OPN5: variants seen among roughly 807,000 people sequenced by gnomAD.
OPN5 encodes opsin-5.
In OPN5, 18 loss-of-function variants were observed where a neutral mutation model predicts 41.7. The observed-to-expected ratio is 0.43, with a 90% CI of 0.30 to 0.64. The LOEUF (loss-of-function observed/expected upper bound fraction) is 0.64. OPN5 is among the 30% of genes least tolerant of loss of function. OPN5 has a pLI of 0.13. For missense variants in OPN5, 318 were observed against 434.5 expected, an observed-to-expected ratio of 0.73 and a Z score of 2.38; for synonymous variants, 178 against 164.3, an observed-to-expected ratio of 1.08 and a Z score of -0.64.
At chr6:47,785,576 T>G (rs929274423) in intron 1 of OPN5, among the ~76,000 whole-genome samples, 15 of 152,194 alleles carry the variant, frequency 9.9e-5, no homozygotes. Context: ...TACCAGATTC[T>G]CATTTATACA....
exon 5 of OPN5, chr6:47,808,267 G>T (rs1390317427): frequency 2.5e-5 from 41 of 1,613,886 alleles, no homozygotes; most frequent in Non-Finnish European, 3.2e-5. Context: ...TCTCTGTGGT[G>T]CCAACCCTAC....
chr6:47,795,196 T>G lies in OPN5; in HGVS notation c.422-33T>G, dbSNP rs1773502895. The G allele has an allele frequency of 2.0e-6, 3 of 1,503,260 alleles. No individual in the cohort carries two copies. The African/African-American group carries it at 4.2e-5, about 21-fold the overall frequency. The allele number at this position is 1,503,260 out of a possible 1,614,324, so 93.1% of individuals were successfully genotyped here. ...GGAGGTATCTGGGTGTAGGGCAGAT[T>G]ACATCCGGGTAATGCTTTTCTTCCG... is the stretch of plus-strand genomic sequence containing the variant. On this transcript the variant is annotated intron_variant, in intron 3 of 6. Transcript: ENST00000371211.
At chr6:47,806,990 T>C (rs1427937550) in intron 4 of OPN5, among the ~76,000 whole-genome samples, 1 of 152,112 alleles carries the variant, frequency 6.6e-6, no homozygotes, top group Non-Finnish European at 1.5e-5. Flanking sequence ...AAACCCTGTC[T>C]CTACAAAAAT....
intron 2 of OPN5, among the ~76,000 whole-genome samples, chr6:47,790,635 A>G (rs1773340253): frequency 6.6e-6 from 1 of 152,242 alleles, no homozygotes; most frequent in Admixed American, 6.5e-5. Context: ...TTTTAAATAA[A>G]TAAAAGGACA....
intron 2 of OPN5, 107 bp from the exon 3 acceptor site, chr6:47,791,695 G>A (rs187410469): frequency 2.0e-4 from 162 of 815,084 alleles, no homozygotes; most frequent in South Asian, 7.8e-4. Context: ...GTGTGTGTGC[G>A]TTCACATGTG....
intron 3 of OPN5, among the ~76,000 whole-genome samples, chr6:47,794,381 A>G (rs1773477788): frequency 6.6e-6 from 1 of 152,158 alleles, no homozygotes; most frequent in Admixed American, 6.6e-5. Context: ...GTGTGAAGGT[A>G]ATTTCCTGTG....
At chr6:47,802,590 C>T (rs1367678388) in intron 4 of OPN5, among the ~76,000 whole-genome samples, 1 of 152,128 alleles carries the variant, frequency 6.6e-6, no homozygotes, top group Non-Finnish European at 1.5e-5. Context: ...GTTTAAAGGT[C>T]TCTGGCAATG....
chr6:47,808,421 A>G, intron 5 of OPN5, 26 bp downstream of exon 5: 1 of 1,612,888 alleles, frequency 6.2e-7, no homozygotes, highest in South Asian at 1.1e-5. Flanking sequence ...CTGGAAATGA[A>G]TTACACTCTC....
intron 5 of OPN5, 32 bp from the exon 6 acceptor site, chr6:47,811,642 A>T: frequency 6.6e-7 from 1 of 1,511,854 alleles, no homozygotes; most frequent in South Asian, 1.1e-5. Flanking sequence ...ATATGTAGAT[A>T]TTAAATTGCA....
At chr6:47,800,526 G>C (rs1773729559) in intron 4 of OPN5, among the ~76,000 whole-genome samples, 1 of 152,208 alleles carries the variant, frequency 6.6e-6, no homozygotes. Flanking sequence ...TTATTTGCAG[G>C]AGTAATTGGG....
At chr6:47,796,761 C>T (rs1308930815) in intron 4 of OPN5, among the ~76,000 whole-genome samples, 1 of 152,142 alleles carries the variant, frequency 6.6e-6, no homozygotes, top group African/African-American at 2.4e-5. Context: ...ATATGCCTCT[C>T]TCCAAATTGC....
exon 7 of OPN5, chr6:47,824,089 G>A (rs377684481): frequency 8.1e-5 from 76 of 938,522 alleles, no homozygotes; most frequent in Middle Eastern, 6.3e-4. Context: ...CTGACTTCTC[G>A]CCTCCACTCC....
chr6:47,801,424 C>T (rs1006024090), intron 4 of OPN5, among the ~76,000 whole-genome samples: 2 of 152,168 alleles, frequency 1.3e-5, no homozygotes, highest in Non-Finnish European at 2.9e-5. Context: ...CATAAAGCTC[C>T]ATTTCCCTTA....
At chr6:47,787,807 C>T (rs559430823) in intron 2 of OPN5, among the ~76,000 whole-genome samples, 90 of 152,088 alleles carry the variant, frequency 5.9e-4, no homozygotes, top group Non-Finnish European at 1.1e-3. Flanking sequence ...AATAGCTGGG[C>T]ACTTGATCAA....
intron 4 of OPN5, among the ~76,000 whole-genome samples, chr6:47,800,275 T>G (rs887309410): frequency 7.2e-5 from 11 of 152,260 alleles, no homozygotes; most frequent in African/African-American, 2.4e-4. Context: ...AGTTTGTAAG[T>G]GAGGGGTATC....
At chr6:47,824,238 G>T in exon 7 of OPN5, 1 of 554,340 alleles carries the variant, frequency 1.8e-6, no homozygotes, top group South Asian at 2.6e-5. Context: ...AGAAACCCAC[G>T]CTTTAAACAT....
rs528609390 is a variant in OPN5 at position 47,824,332 on chromosome 6, G to T, written c.*341G>T. On this transcript the variant is annotated 3_prime_UTR_variant, in exon 7 of 7. Coordinates refer to ENST00000371211, the Ensembl canonical transcript of OPN5. ...TTGTGAAAGCTGGCCTGAAAAGCCT[G>T]ATTCAAGGAGATCAGGCTGTGTCTC... The T allele has an allele frequency of 8.6e-6, 3 of 350,552 alleles. No homozygotes were observed. In the South Asian group the frequency reaches 1.7e-4, roughly 20 times the overall value. 21.7% of individuals were successfully genotyped at this position (350,552 alleles called of 1,614,324 possible).
At chr6:47,822,694 G>T (rs886948464) in intron 6 of OPN5, among the ~76,000 whole-genome samples, 1 of 152,190 alleles carries the variant, frequency 6.6e-6, no homozygotes, top group Admixed American at 6.5e-5. Context: ...GGCAAGAAGG[G>T]CAGTGTAGTT....
chr6:47,782,298 AGTGG>A, intron 1 of OPN5, 102 bp downstream of exon 1: 1 of 1,137,310 alleles, frequency 8.8e-7, no homozygotes. Flanking sequence ...TGGATAGTTT[AGTGG>A]AGGCGAAGAG....
Sources: allele counts gnomAD v4.1 joint callset (sites outside exome capture counted in the v4.1 genomes callset), GRCh38; gene constraint gnomAD v4.1.1; transcripts MANE v1.5; gene names NCBI Gene and HGNC (gene_info 2026-07-23, HGNC 2026-07-21).